Variants in STX8 observed in about 807,000 individuals in gnomAD.
STX8 encodes the protein syntaxin 8.
STX8 carries 23 observed loss-of-function variants against 37.5 expected under a neutral mutation model. The ratio of observed to expected loss-of-function variants is 0.61; its 90% CI spans 0.44 to 0.87. The LOEUF (loss-of-function observed/expected upper bound fraction) is 0.87, where lower values mean the gene tolerates loss of function less well. Among genes scored for constraint, STX8 ranks in the 40% least tolerant of loss-of-function variants. The pLI, the probability that STX8 is intolerant of heterozygous loss-of-function variation, is 0.00. For synonymous variants in STX8, 115 were observed against 99.1 expected (o/e 1.16, Z -0.95); for missense variants, 313 against 284.7 (o/e 1.10, Z -0.71).
At chr17:9,272,491 A>G (rs116348083) in intron 7 of STX8, among the ~76,000 whole-genome samples, 1,864 of 152,316 alleles carry the variant, frequency 0.012, 35 homozygotes, top group African/African-American at 0.042. Flanking sequence ...GCACCTGAAG[A>G]ACAAAGATTC....
intron 6 of STX8, among the ~76,000 whole-genome samples, chr17:9,479,856 C>G (rs1232210297): frequency 6.6e-6 from 1 of 150,632 alleles, no homozygotes; most frequent in Non-Finnish European, 1.5e-5. Context: ...TGGCCCCCTC[C>G]TGCCCATGCT....
chr17:9,560,503 T>C (rs1475851052), intron 2 of STX8, among the ~76,000 whole-genome samples: 1 of 152,010 alleles, frequency 6.6e-6, no homozygotes, highest in Non-Finnish European at 1.5e-5. Flanking sequence ...AGGGAGAGTT[T>C]TTTAAATTGT....
chr17:9,536,991 C>CTG (rs1906086379), intron 4 of STX8, among the ~76,000 whole-genome samples: 1 of 152,056 alleles, frequency 6.6e-6, no homozygotes, highest in South Asian at 2.1e-4. Flanking sequence ...CGTGATCCAC[C>CTG]CCCGCCCTGG....
chr17:9,390,940 C>G (rs1451124963), intron 6 of STX8, among the ~76,000 whole-genome samples: 1 of 151,878 alleles, frequency 6.6e-6, no homozygotes, highest in African/African-American at 2.4e-5. Flanking sequence ...GGAGCACCCC[C>G]TCAAAAAAAA....
chr17:9,510,854 G>C (rs1466422884), intron 4 of STX8, among the ~76,000 whole-genome samples: 1 of 151,764 alleles, frequency 6.6e-6, no homozygotes, highest in Non-Finnish European at 1.5e-5. Context: ...ATAAAATTGA[G>C]ATACCATTAG....
At position 9,464,880 on chromosome 17, in the gene STX8, G is replaced by C. The variant is rs1289620363; in HGVS notation, c.541+26949C>G. The C allele has an allele frequency of 3.3e-5, 5 of 152,014 alleles. No homozygotes were observed. The East Asian group carries it at 7.7e-4, about 23-fold the overall frequency. 9.4% of individuals were successfully genotyped at this position (152,014 alleles called of 1,614,324 possible). A position where few individuals can be genotyped will look rare whatever the true frequency, so the allele number is the denominator to read the frequency against. On this transcript the variant is annotated intron_variant, in intron 6 of 7. Transcript: ENST00000306357. ...TGGGATTACAGGCACCTGCCACCAG[G>C]CCTGGCTAAATTTTGTATTTTCAGT... is the stretch of plus-strand genomic sequence containing the variant.
intron 2 of STX8, among the ~76,000 whole-genome samples, chr17:9,558,824 A>T (rs960154805): frequency 1.3e-5 from 2 of 148,566 alleles, no homozygotes; most frequent in African/African-American, 2.4e-5. Context: ...CTCCGTCTCA[A>T]AAAAAAAAAA....
At chr17:9,568,871 G>A (rs1006287106) in intron 1 of STX8, among the ~76,000 whole-genome samples, 1 of 152,232 alleles carries the variant, frequency 6.6e-6, no homozygotes, top group African/African-American at 2.4e-5. Flanking sequence ...AATTCAAACA[G>A]AGGGGAAGAA....
chr17:9,341,593 G>T (rs936384094), intron 7 of STX8, among the ~76,000 whole-genome samples: 2 of 152,086 alleles, frequency 1.3e-5, no homozygotes, highest in South Asian at 2.1e-4. Flanking sequence ...TGTGCCACCA[G>T]GCCTGGCTAA....
Position 9,529,773 on chromosome 17 carries a change from T to A in STX8, c.323+15399A>T, listed in dbSNP as rs1905739882. 4.6e-5 allele frequency among the ~76,000 whole-genome samples: 7 copies of A among 152,236 alleles called. No homozygotes were observed. The South Asian group carries it at 1.4e-3, about 32-fold the overall frequency. On this transcript the variant is annotated intron_variant, in intron 4 of 7. Transcript: ENST00000306357. ...ACATCATTGTATGAATATGCCATCA[T>A]GTATTTATTCATTATACTATAGATG...
At chr17:9,373,028 T>A (rs1369716652) in intron 7 of STX8, among the ~76,000 whole-genome samples, 7 of 148,858 alleles carry the variant, frequency 4.7e-5, no homozygotes, top group African/African-American at 1.7e-4. Context: ...AGCTTGAACC[T>A]GGGAGACGGA....
At chr17:9,372,353 T>A (rs1055739581) in intron 7 of STX8, among the ~76,000 whole-genome samples, 4 of 152,034 alleles carry the variant, frequency 2.6e-5, no homozygotes, top group African/African-American at 9.7e-5. Flanking sequence ...GTGGGAAGGG[T>A]CTCCCATGAC....
At chr17:9,560,256 G>T (rs1052969794) in intron 2 of STX8, among the ~76,000 whole-genome samples, 2 of 151,348 alleles carry the variant, frequency 1.3e-5, no homozygotes, top group Non-Finnish European at 2.9e-5. Flanking sequence ...AAATTAGCTG[G>T]GCATGGTGGT....
intron 6 of STX8, among the ~76,000 whole-genome samples, chr17:9,456,008 C>T (rs962435878): frequency 2.0e-5 from 3 of 152,084 alleles, no homozygotes; most frequent in South Asian, 2.1e-4. Context: ...ACTCTCCCAG[C>T]ACACCCTCCC....
chr17:9,255,958 G>A (rs568014768), intron 7 of STX8, among the ~76,000 whole-genome samples: 1 of 152,328 alleles, frequency 6.6e-6, no homozygotes, highest in Admixed American at 6.5e-5. Flanking sequence ...TCTGAATGGA[G>A]TTTCTCTCCT....
At chr17:9,343,093 G>A (rs1386452679) in intron 7 of STX8, among the ~76,000 whole-genome samples, 1 of 150,778 alleles carries the variant, frequency 6.6e-6, no homozygotes, top group Non-Finnish European at 1.5e-5. Flanking sequence ...GGAGCCAGGA[G>A]ATGGAGAAGG....
rs76173982 is a variant in STX8, at chr17:9,373,938, T to TAA, written c.643+4612_643+4613dup. Among the ~76,000 whole-genome samples the TAA allele has an allele frequency of 3.6e-3, 383 of 105,294 alleles. 5 individuals are homozygous for TAA. Among genetic ancestry groups the TAA allele is most frequent in the African/African-American group, 0.011 (356 of 31,018 alleles). The allele number at this position is 105,294 out of a possible 152,430, so 69.1% of individuals were successfully genotyped here. The stretch of plus-strand genomic sequence containing the variant: ...AGGGCAACAAGAGCAGAACTCTATC[T>TAA]AAAAAAAAAAAAAAAAAAGTTCTGG... On this transcript the variant is annotated intron_variant, in intron 7 of 7. Transcript: ENST00000306357.
intron 6 of STX8, among the ~76,000 whole-genome samples, chr17:9,390,388 G>A (rs936831796): frequency 6.6e-6 from 1 of 151,914 alleles, no homozygotes; most frequent in African/African-American, 2.4e-5. Context: ...TGGGCGTGGT[G>A]GTGGTTGTCT....
intron 4 of STX8, among the ~76,000 whole-genome samples, chr17:9,515,465 A>C (rs1358339861): frequency 6.6e-6 from 1 of 151,718 alleles, no homozygotes; most frequent in Non-Finnish European, 1.5e-5. Flanking sequence ...ACTTTACTAA[A>C]ACGACAGGTG....
Sources: gnomAD v4.1 joint callset for allele counts (sites outside exome capture counted in the v4.1 genomes callset) on GRCh38, gnomAD v4.1.1 for gene constraint, MANE v1.5 for transcripts, NCBI Gene and HGNC (gene_info 2026-07-23, HGNC 2026-07-21) for gene names.